The following DLC1 variants were observed in gnomAD, a reference collection of about 807,000 sequenced individuals.
The protein encoded by DLC1 is rho GTPase-activating protein 7.
In DLC1, 54 loss-of-function variants were observed where a neutral mutation model predicts 140.3. The ratio of observed to expected loss-of-function variants is 0.38; its 90% confidence interval spans 0.31 to 0.48. The LOEUF is 0.48. Among genes scored for constraint, DLC1 ranks in the 20% least tolerant of loss-of-function variants. DLC1 has a pLI of 0.96. For missense variants in DLC1, 2,536 were observed against 1,907.0 expected (o/e 1.33, Z -6.14); for synonymous variants, 986 against 728.1 (o/e 1.35, Z -5.70).
At chr8:13,232,086 G>A (rs1829072978) in intron 5 of DLC1, among the ~76,000 whole-genome samples, 1 of 152,144 alleles carries the variant, frequency 6.6e-6, no homozygotes, top group Admixed American at 6.5e-5. Flanking sequence ...CTGAAATAAG[G>A]AGGTGGCTTC....
intron 5 of DLC1, among the ~76,000 whole-genome samples, chr8:13,266,273 G>C (rs1012449870): frequency 2.6e-5 from 4 of 152,216 alleles, no homozygotes; most frequent in African/African-American, 9.6e-5. Flanking sequence ...TACAAGGGAA[G>C]CATTCTGGGT....
At chr8:13,383,848 C>A (rs1351181814) in intron 4 of DLC1, among the ~76,000 whole-genome samples, 1 of 152,142 alleles carries the variant, frequency 6.6e-6, no homozygotes, top group Non-Finnish European at 1.5e-5. Flanking sequence ...GATCTTGTAG[C>A]CCTGGTAAAA....
chr8:13,194,282 T>C (rs866688767), intron 5 of DLC1, among the ~76,000 whole-genome samples: 35 of 152,360 alleles, frequency 2.3e-4, no homozygotes, highest in Non-Finnish European at 4.7e-4. Context: ...AAGGCCCTTA[T>C]GCCAATAGCT....
Position 13,567,919 on chromosome 8 carries a change from C to A in DLC1, c.-126+36618G>T, listed in dbSNP as rs180788033. 4,395 of 1,550,904 alleles carry A rather than the reference C, an allele frequency of 2.8e-3. 13 individuals are homozygous for A. Among genetic ancestry groups the A allele is most frequent in the Non-Finnish European group, 3.6e-3 (4,148 of 1,146,520 alleles). On this transcript the variant is annotated intron_variant, in intron 1 of 1. Coordinates refer to the DLC1 transcript ENST00000631382. ...TCTCAAGCGACTTACTCTAATCAAA[C>A]CAGAGCTGGTGATTGTTAATGATAA...
At chr8:13,549,610 G>T (rs1803776861) in intron 1 of DLC1, among the ~76,000 whole-genome samples, 1 of 152,138 alleles carries the variant, frequency 6.6e-6, no homozygotes, top group African/African-American at 2.4e-5. Context: ...TTAAAGAGCA[G>T]AGGAATTAAA....
intron 2 of DLC1, among the ~76,000 whole-genome samples, chr8:13,434,387 G>A (rs1839021214): frequency 6.6e-6 from 1 of 152,152 alleles, no homozygotes; most frequent in South Asian, 2.1e-4. Flanking sequence ...AGTAATTTGA[G>A]TTTCTCCATT....
chr8:13,516,838 A>G (rs1236044772), upstream of DLC1, among the ~76,000 whole-genome samples: 2 of 152,182 alleles, frequency 1.3e-5, no homozygotes, highest in African/African-American at 2.4e-5. Context: ...TATTTTACAA[A>G]TAAAGTATTG....
intron 2 of DLC1, among the ~76,000 whole-genome samples, chr8:13,471,638 G>A (rs142857627): frequency 4.0e-4 from 60 of 151,724 alleles, no homozygotes; most frequent in African/African-American, 1.1e-3. Context: ...CCTATGACAC[G>A]AGTTTACCTA....
intron 5 of DLC1, among the ~76,000 whole-genome samples, chr8:13,294,496 G>A (rs1273916968): frequency 1.3e-5 from 2 of 152,094 alleles, no homozygotes; most frequent in Admixed American, 6.5e-5. Flanking sequence ...CACCTTCACC[G>A]GGAAGCCAGG....
chr8:13,590,194 T>A (rs1242065993), intron 1 of DLC1, among the ~76,000 whole-genome samples: 1 of 151,944 alleles, frequency 6.6e-6, no homozygotes, highest in African/African-American at 2.4e-5. Context: ...TAAGGACTTT[T>A]TTCATTTGTG....
intron 5 of DLC1, chr8:13,214,608 T>C: frequency 2.6e-6 from 2 of 769,080 alleles, no homozygotes; most frequent in South Asian, 2.7e-5. Context: ...TGCAGTGTTC[T>C]GCCAGGCACA....
chr8:13,536,651 C>T (rs542980573), intron 1 of DLC1, among the ~76,000 whole-genome samples: 38 of 152,244 alleles, frequency 2.5e-4, no homozygotes, highest in African/African-American at 7.9e-4. Flanking sequence ...TTACTTTCCC[C>T]CTGGTCAAAG....
chr8:13,555,769 T>A (rs1804025019), intron 1 of DLC1, among the ~76,000 whole-genome samples: 2 of 152,070 alleles, frequency 1.3e-5, no homozygotes, highest in African/African-American at 4.8e-5. Context: ...CCCAAAGTGC[T>A]AGGATTACAG....
At chr8:13,243,860 C>T (rs935387331) in intron 5 of DLC1, among the ~76,000 whole-genome samples, 5 of 152,148 alleles carry the variant, frequency 3.3e-5, no homozygotes, top group African/African-American at 4.8e-5. Context: ...TTGATGACTC[C>T]GTAATTGGTA....
Position 13,401,464 on chromosome 8 carries a change from G to A in DLC1, c.1173+6C>T, listed in dbSNP as rs755749079. On this transcript the variant is annotated splice_donor_region_variant and intron_variant, in intron 3 of 17. Transcript: ENST00000276297. ...TGGGAAAAGAAGTAGAAAGTGGAAA[G>A]CTCACAGGAACGTGCCGCCGCAGGT... 1.9e-6 allele frequency: 3 copies of A among 1,611,846 alleles called. No homozygotes were observed. In the South Asian group the frequency reaches 3.3e-5, roughly 18 times the overall value.
intron 5 of DLC1, among the ~76,000 whole-genome samples, chr8:13,295,955 T>G (rs993967662): frequency 3.2e-5 from 4 of 126,776 alleles, no homozygotes; most frequent in East Asian, 4.8e-4. Flanking sequence ...TTTTTTTTTT[T>G]TTTTTTTTTT....
chr8:13,192,876 G>A (rs1317994379), intron 5 of DLC1, among the ~76,000 whole-genome samples: 3 of 152,194 alleles, frequency 2.0e-5, no homozygotes, highest in African/African-American at 7.2e-5. Flanking sequence ...CACTGCTGGC[G>A]CCTTGATCTT....
At chr8:13,468,339 TTCCCCTCCCCTCCCCTCCCC>T (rs769649730) in intron 2 of DLC1, among the ~76,000 whole-genome samples, 1 of 59,884 alleles carries the variant, frequency 1.7e-5, no homozygotes. Context: ...CTTCCCCCCA[TTCCCCTCCCCTCCCCTCCCC>T]TCCCCTCCCC....
chr8:13,276,156 C>G, intron 5 of DLC1: 1 of 1,429,076 alleles, frequency 7.0e-7, no homozygotes, highest in Non-Finnish European at 9.3e-7. Flanking sequence ...CTTCAACCAG[C>G]TGATGAGATC....
Sources: allele counts gnomAD v4.1 joint callset (sites outside exome capture counted in the v4.1 genomes callset), GRCh38; gene constraint gnomAD v4.1.1; transcripts MANE v1.5; gene names NCBI Gene and HGNC (gene_info 2026-07-23, HGNC 2026-07-21).